Variants in FBXO27 observed in about 807,000 individuals in gnomAD.
FBXO27 encodes the protein F-box protein 27.
In FBXO27, 28 loss-of-function variants were observed where a neutral mutation model predicts 28.3. That is an observed-to-expected ratio of 0.99 (90% CI 0.73 to 1.36). The LOEUF (loss-of-function observed/expected upper bound fraction) is 1.36, where lower values mean the gene tolerates loss of function less well. Among genes scored for constraint, FBXO27 ranks in the 40% most tolerant of loss-of-function variants. The pLI, the probability that FBXO27 is intolerant of heterozygous loss-of-function variation, is 0.00. For missense variants in FBXO27, 388 were observed against 394.1 expected (o/e 0.98, Z 0.13); for synonymous variants, 175 against 167.3 (o/e 1.05, Z -0.36).
chr19:39,030,769 A>AT (rs540287512), intron 4 of FBXO27: 4,436 of 428,438 alleles, frequency 0.01, 7 homozygotes, highest in South Asian at 0.025. Flanking sequence ...GGCCCGGCTA[A>AT]TTTTTTTTTT....
At chr19:39,007,623 T>G (rs1260285468) in intron 2 of FBXO27, among the ~76,000 whole-genome samples, 1 of 133,602 alleles carries the variant, frequency 7.5e-6, no homozygotes, top group Non-Finnish European at 1.5e-5. Flanking sequence ...TGTTTGGGCT[T>G]TTTTTCAAAC....
At chr19:39,010,318 C>T (rs1306104888) in intron 2 of FBXO27, among the ~76,000 whole-genome samples, 2 of 152,226 alleles carry the variant, frequency 1.3e-5, no homozygotes, top group East Asian at 3.9e-4. Context: ...GGCCCAGTTG[C>T]ACTCCTTTGG....
chr19:39,025,264 G>A lies in FBXO27; in HGVS notation c.*147C>T. 2 of 1,061,216 alleles carry A rather than the reference G, an allele frequency of 1.9e-6. No homozygotes were observed. Among genetic ancestry groups the A allele is most frequent in the Non-Finnish European group, 1.4e-6 (1 of 740,278 alleles). The allele number at this position is 1,061,216 out of a possible 1,614,324, so 65.7% of individuals were successfully genotyped here. ...GGTAGTTTCTAGAACCTGAAGACAG[G>A]GCCCGTCAGGGCCTTTGATTGGACC... On this transcript the variant is annotated 3_prime_UTR_variant, in exon 6 of 6. Coordinates refer to ENST00000292853, the MANE Select transcript of FBXO27 (RefSeq NM_178820.5).
At chr19:39,027,476 A>G (rs1015021723) in intron 4 of FBXO27, among the ~76,000 whole-genome samples, 2 of 152,148 alleles carry the variant, frequency 1.3e-5, no homozygotes, top group African/African-American at 4.8e-5. Context: ...CAGCACGGTA[A>G]CATGTCCTGA....
intron 2 of FBXO27, among the ~76,000 whole-genome samples, chr19:39,007,082 A>C (rs1975740993): frequency 6.8e-6 from 1 of 146,658 alleles, no homozygotes; most frequent in African/African-American, 2.6e-5. Context: ...AAAAAAATAC[A>C]GAAAAGTACA....
At chr19:39,021,091 A>T (rs1337264933), downstream of FBXO27, among the ~76,000 whole-genome samples, 7 of 152,046 alleles carry the variant, frequency 4.6e-5, no homozygotes, top group Non-Finnish European at 2.9e-5. Context: ...ACCTCAGGTG[A>T]TCCACCCCCA....
At chr19:39,030,472 G>A (rs2072895900) in intron 4 of FBXO27, 1 of 154,026 alleles carries the variant, frequency 6.5e-6, no homozygotes, top group Admixed American at 6.4e-5. Flanking sequence ...AGACAAGACT[G>A]AGCTGGGCCA....
At chr19:39,023,923 T>G (rs980546100), downstream of FBXO27, 1 of 152,034 alleles carries the variant, frequency 6.6e-6, no homozygotes, top group Non-Finnish European at 1.5e-5. Context: ...CCTCAGCTAG[T>G]GTTTGCTTTC....
chr19:39,027,069 C>T (rs76159055), intron 4 of FBXO27, 64 bp from the exon 5 acceptor site: 26,395 of 1,598,660 alleles, frequency 0.017, 296 homozygotes, highest in Non-Finnish European at 0.019. Context: ...GTCTGCCTAC[C>T]TTGTCCGAAT....
At chr19:39,028,462 TG>T (rs1434783520) in intron 4 of FBXO27, among the ~76,000 whole-genome samples, 4 of 151,834 alleles carry the variant, frequency 2.6e-5, no homozygotes, top group Middle Eastern at 6.9e-3. Flanking sequence ...TGGCCAGCCG[TG>T]GTGGCTCACA....
intron 2 of FBXO27, among the ~76,000 whole-genome samples, chr19:39,012,767 G>A (rs1160942480): frequency 1.3e-5 from 2 of 151,928 alleles, no homozygotes; most frequent in Non-Finnish European, 2.9e-5. Context: ...AGACCAGCCT[G>A]GCCAACAGAG....
rs1026804666 is a variant in FBXO27, at chr19:39,029,626, T to C, written c.572+1403A>G. Among the ~76,000 whole-genome samples, 3 of 152,046 alleles carry C rather than the reference T, an allele frequency of 2.0e-5. No homozygotes were observed. The East Asian group carries it at 5.8e-4, about 29-fold the overall frequency. On this transcript the variant is annotated intron_variant, in intron 4 of 5. Transcript: ENST00000292853. ...ATACTTCCCACACAGATGTAACCTA[T>C]AGCAGATTAATTGTGTAATAGGGGG...
At chr19:39,017,521 C>T (rs926361373) in intron 1 of FBXO27, among the ~76,000 whole-genome samples, 2 of 151,998 alleles carry the variant, frequency 1.3e-5, no homozygotes, top group East Asian at 1.9e-4. Flanking sequence ...TAGTGAAACC[C>T]TGTCTCAACT....
At chr19:39,027,967 G>A (rs935822702) in intron 4 of FBXO27, among the ~76,000 whole-genome samples, 1 of 152,076 alleles carries the variant, frequency 6.6e-6, no homozygotes, top group Non-Finnish European at 1.5e-5. Context: ...CTGTCTGGGC[G>A]AGGTGGCTCA....
At chr19:39,031,005 G>C (rs766174071) in intron 4 of FBXO27, 24 bp downstream of exon 4, 2 of 1,594,782 alleles carry the variant, frequency 1.3e-6, no homozygotes, top group Non-Finnish European at 1.7e-6. Flanking sequence ...CTTAGCAAGG[G>C]GCTATTTTAA....
chr19:39,031,774 G>T, intron 2 of FBXO27, 90 bp downstream of exon 2: 2 of 1,241,138 alleles, frequency 1.6e-6, no homozygotes, highest in Non-Finnish European at 1.0e-6. Context: ...GCGGCCCCTA[G>T]TACCGGTCCC....
chr19:39,022,910 G>A (rs995561709), downstream of FBXO27, among the ~76,000 whole-genome samples: 1 of 152,050 alleles, frequency 6.6e-6, no homozygotes, highest in Admixed American at 6.6e-5. Context: ...CAATTCTCCT[G>A]CCTCAGCCTC....
At chr19:39,031,443 C>T (rs967875979) in intron 2 of FBXO27, 123 bp from the exon 3 acceptor site, 4 of 818,182 alleles carry the variant, frequency 4.9e-6, no homozygotes, top group Admixed American at 4.9e-5. Context: ...CCCTTCCCAC[C>T]GAGGCCCCGC....
At chr19:39,015,318 CAAAAAAAAAAAAAAAA>C (rs59646562) in intron 1 of FBXO27, among the ~76,000 whole-genome samples, 1 of 36,452 alleles carries the variant, frequency 2.7e-5, no homozygotes, top group East Asian at 1.1e-3. Flanking sequence ...GACTCTGTCT[CAAAAAAAAAAAAAAAA>C]AAAAAAAAAA....
Sources: gnomAD v4.1 joint callset for allele counts (sites outside exome capture counted in the v4.1 genomes callset) on GRCh38, gnomAD v4.1.1 for gene constraint, MANE v1.5 for transcripts, NCBI Gene and HGNC (gene_info 2026-07-23, HGNC 2026-07-21) for gene names.